Variants in PTPRN2 observed in about 807,000 individuals in gnomAD.
The protein encoded by PTPRN2 is receptor-type tyrosine-protein phosphatase N2.
In PTPRN2, 74 loss-of-function variants were observed where a neutral mutation model predicts 118.8. The observed-to-expected ratio is 0.62, with a 90% confidence interval of 0.52 to 0.76. PTPRN2 has a LOEUF of 0.76. PTPRN2 is among the 30% of genes least tolerant of loss of function. The pLI is 0.00. For synonymous variants in PTPRN2, 641 were observed against 608.0 expected, an observed-to-expected ratio of 1.05 and a Z score of -0.80; for missense variants, 1,481 against 1,394.4, an observed-to-expected ratio of 1.06 and a Z score of -0.99.
At chr7:157,755,165 G>C (rs187374682) in intron 12 of PTPRN2, among the ~76,000 whole-genome samples, 178 of 152,288 alleles carry the variant, frequency 1.2e-3, no homozygotes, top group African/African-American at 4.2e-3. Flanking sequence ...GATTACAGGC[G>C]TGAGCCACCA....
chr7:157,638,541 G>T (rs1252920333), intron 14 of PTPRN2, among the ~76,000 whole-genome samples: 1 of 152,256 alleles, frequency 6.6e-6, no homozygotes, highest in Non-Finnish European at 1.5e-5. Flanking sequence ...GAAACGAGGA[G>T]TTTGGAGGAG....
intron 11 of PTPRN2, among the ~76,000 whole-genome samples, chr7:157,924,598 G>T (rs1296841892): frequency 6.6e-6 from 1 of 152,240 alleles, no homozygotes; most frequent in Non-Finnish European, 1.5e-5. Flanking sequence ...CAGGTCATGT[G>T]GAATCTACAG....
chr7:158,441,045 A>ATGGTGGTAGTGATGGTGGTGC (rs1563295471), intron 2 of PTPRN2, among the ~76,000 whole-genome samples: 1 of 100,068 alleles, frequency 1.0e-5, no homozygotes, highest in East Asian at 3.2e-4. Flanking sequence ...GGTAGTAGTG[A>ATGGTGGTAGTGATGGTGGTGC]TGGTGGTAGT....
chr7:158,366,888 A>G (rs934015666), intron 2 of PTPRN2, among the ~76,000 whole-genome samples: 2 of 152,348 alleles, frequency 1.3e-5, no homozygotes, highest in African/African-American at 4.8e-5. Flanking sequence ...GAAAGCAAAT[A>G]GGATTTAAAA....
At chr7:158,230,544 T>A (rs2150821564) in intron 3 of PTPRN2, among the ~76,000 whole-genome samples, 1 of 152,310 alleles carries the variant, frequency 6.6e-6, no homozygotes, top group Admixed American at 6.5e-5. Flanking sequence ...AGAGGGGTTT[T>A]TTTTCATTTT....
intron 2 of PTPRN2, among the ~76,000 whole-genome samples, chr7:158,455,300 G>A (rs1410027456): frequency 1.1e-4 from 2 of 18,028 alleles, no homozygotes; most frequent in East Asian, 3.0e-3. Context: ...AGAAGACAAC[G>A]GCACGGACGC....
At chr7:158,109,716 C>T (rs950410919) in intron 10 of PTPRN2, among the ~76,000 whole-genome samples, 1 of 151,250 alleles carries the variant, frequency 6.6e-6, no homozygotes, top group Non-Finnish European at 1.5e-5. Context: ...GAGTGAATGA[C>T]GTCACCCCTG....
At position 157,929,277 on chromosome 7, in the gene PTPRN2, C is replaced by T. The variant is rs10250057; in HGVS notation, c.1724-30540G>A. Among the ~76,000 whole-genome samples the T allele has an allele frequency of 0.17, 26,258 of 152,074 alleles. 2,416 individuals are homozygous for T. The highest frequency in any genetic ancestry group is 0.19 in the Non-Finnish European group (13,210 of 67,974). ...CAGTACGCCGTGGCAGCCTGCCATC[C>T]GCTCTCTGCTCCTCTGACTACCTTC... is the stretch of plus-strand genomic sequence containing the variant. On this transcript the variant is annotated intron_variant, in intron 11 of 22. Transcript: ENST00000389418. The surrounding 1 kb of genome is among the most constrained non-coding windows in gnomAD (Gnocchi z 4.4).
At chr7:158,201,628 G>A (rs1055888374) in intron 4 of PTPRN2, among the ~76,000 whole-genome samples, 1 of 152,114 alleles carries the variant, frequency 6.6e-6, no homozygotes, top group African/African-American at 2.4e-5. Context: ...CCAATAAGAA[G>A]CATCTTACAA....
At chr7:158,119,770 T>A (rs1271736433) in intron 9 of PTPRN2, among the ~76,000 whole-genome samples, 1 of 152,194 alleles carries the variant, frequency 6.6e-6, no homozygotes, top group African/African-American at 2.4e-5. Context: ...AGCCATAGTT[T>A]ATATAGGGTT....
At chr7:157,860,181 C>T (rs1377770309) in intron 12 of PTPRN2, among the ~76,000 whole-genome samples, 1 of 152,258 alleles carries the variant, frequency 6.6e-6, no homozygotes, top group African/African-American at 2.4e-5. Context: ...AGACCCAATT[C>T]CCTGAGGCCC....
intron 2 of PTPRN2, among the ~76,000 whole-genome samples, chr7:158,487,475 G>A (rs1280571394): frequency 3.3e-5 from 5 of 152,242 alleles, no homozygotes; most frequent in African/African-American, 4.8e-5. Context: ...CCTAATGGGT[G>A]TGAGGTGGTA....
intron 3 of PTPRN2, among the ~76,000 whole-genome samples, chr7:158,291,297 G>T (rs1418275118): frequency 2.0e-5 from 3 of 152,102 alleles, no homozygotes. Context: ...GGGTTCTAGG[G>T]ATTTTTCTGA....
In PTPRN2 at chr7:158,117,855, A is replaced by G. The variant is rs1443804027; in HGVS notation, c.1557-6940T>C. Among the ~76,000 whole-genome samples, 3 of 152,216 alleles carry G rather than the reference A, an allele frequency of 2.0e-5. No homozygotes were observed. In the East Asian group the frequency reaches 5.8e-4, roughly 29 times the overall value. On this transcript the variant is annotated intron_variant, in intron 9 of 22. Coordinates refer to ENST00000389418, the MANE Select transcript of PTPRN2 (RefSeq NM_002847.5). ...CTTCAAAAGTGAAGAAGAAATTAAG[A>G]CATTCTTAGATAAACCAAAGCTGAG...
chr7:157,552,411 G>T (rs1017193995), intron 21 of PTPRN2, among the ~76,000 whole-genome samples: 1 of 151,996 alleles, frequency 6.6e-6, no homozygotes, highest in African/African-American at 2.4e-5. Context: ...AAATGTACAG[G>T]CTCCATCTAA....
chr7:158,055,865 C>G (rs1563368844), intron 11 of PTPRN2, among the ~76,000 whole-genome samples: 1 of 151,652 alleles, frequency 6.6e-6, no homozygotes, highest in African/African-American at 2.4e-5. Flanking sequence ...CAGGGCCCAG[C>G]TCTTTTATCT....
chr7:157,997,306 C>T (rs1019247976), intron 11 of PTPRN2, among the ~76,000 whole-genome samples: 1 of 152,282 alleles, frequency 6.6e-6, no homozygotes, highest in African/African-American at 2.4e-5. Context: ...CTGGGTCATT[C>T]AGCTCCAAGG....
At chr7:158,541,003 C>T (rs572623688) in intron 1 of PTPRN2, among the ~76,000 whole-genome samples, 12 of 152,258 alleles carry the variant, frequency 7.9e-5, no homozygotes, top group East Asian at 7.7e-4. Flanking sequence ...TTTTTGCAGA[C>T]GGGCAGCTGA....
chr7:157,697,842 C>T (rs1420909345), intron 12 of PTPRN2, among the ~76,000 whole-genome samples: 1 of 148,744 alleles, frequency 6.7e-6, no homozygotes, highest in East Asian at 2.0e-4. Context: ...CCCATGCATA[C>T]TGGATCTTGG....
Sources: allele counts gnomAD v4.1 joint callset (sites outside exome capture counted in the v4.1 genomes callset), GRCh38; gene constraint gnomAD v4.1.1; non-coding constraint Gnocchi (gnomAD v3.1); transcripts MANE v1.5; gene names NCBI Gene and HGNC (gene_info 2026-07-23, HGNC 2026-07-21).